Variants in DGKI observed in about 807,000 individuals in gnomAD.
DGKI encodes DAG kinase iota.
In DGKI, 55 loss-of-function variants were observed where a neutral mutation model predicts 147.5. The ratio of observed to expected loss-of-function variants is 0.37; its 90% CI spans 0.30 to 0.47. The LOEUF (loss-of-function observed/expected upper bound fraction) is 0.47. Among genes scored for constraint, DGKI ranks in the 20% least tolerant of loss-of-function variants. The pLI is 1.00. For synonymous variants in DGKI, 469 were observed against 477.1 expected, an observed-to-expected ratio of 0.98 and a Z score of 0.22; for missense variants, 1,007 against 1,323.8, an observed-to-expected ratio of 0.76 and a Z score of 3.71.
rs1199833517 is a variant in DGKI, at chr7:137,812,362, T to C, written c.401+34100A>G. 2.0e-5 allele frequency among the ~76,000 whole-genome samples: 3 copies of C among 152,258 alleles called. No individual in the cohort carries two copies. The South Asian group carries it at 6.2e-4, about 32-fold the overall frequency. On this transcript the variant is annotated intron_variant, in intron 1 of 32. Transcript: ENST00000614521. ...GCTCAATAAATGTTGACTATCATCA[T>C]CATCATCATCTAGGTTCTATATCCT...
intron 1 of DGKI, among the ~76,000 whole-genome samples, chr7:137,698,661 C>T (rs1355830143): frequency 2.0e-5 from 3 of 152,180 alleles, no homozygotes; most frequent in African/African-American, 4.8e-5. Flanking sequence ...CTGAGAAGCC[C>T]TGTGGGCAGC....
chr7:137,779,234 G>A (rs924176679), intron 1 of DGKI, among the ~76,000 whole-genome samples: 1 of 151,968 alleles, frequency 6.6e-6, no homozygotes, highest in Non-Finnish European at 1.5e-5. Context: ...ATTCAATAAA[G>A]CAAGCAATAA....
chr7:137,794,207 A>G (rs1381179215), intron 1 of DGKI, among the ~76,000 whole-genome samples: 1 of 152,192 alleles, frequency 6.6e-6, no homozygotes, highest in Non-Finnish European at 1.5e-5. Context: ...CATGACACGC[A>G]TTCACTTTCT....
chr7:137,486,757 G>A (rs1263623658), intron 22 of DGKI, among the ~76,000 whole-genome samples: 1 of 152,106 alleles, frequency 6.6e-6, no homozygotes, highest in Non-Finnish European at 1.5e-5. Context: ...ATTTTAAACA[G>A]TATGTGTCTA....
intron 21 of DGKI, among the ~76,000 whole-genome samples, chr7:137,488,243 C>G (rs183566124): frequency 2.0e-5 from 3 of 152,050 alleles, no homozygotes. Context: ...TGGCCAATAT[C>G]AGAACTAAAG....
At chr7:137,711,425 A>G (rs1794209786) in intron 1 of DGKI, among the ~76,000 whole-genome samples, 1 of 152,244 alleles carries the variant, frequency 6.6e-6, no homozygotes, top group African/African-American at 2.4e-5. Context: ...AATGAAAATA[A>G]ATGAACTACA....
chr7:137,552,576 A>G lies in DGKI; in HGVS notation c.1948-8T>C. On this transcript the variant is annotated splice_region_variant and splice_polypyrimidine_tract_variant and intron_variant, in intron 19 of 32. Transcript: ENST00000614521. The stretch of plus-strand genomic sequence containing the variant: ...CCCAACTTGCAGGGCTGCCTATAAA[A>G]ACAAGAGTCAAAGGGGAGCAAGGAG... 6.2e-7 allele frequency: 1 copy of G among 1,613,758 alleles called. No homozygotes were observed.
chr7:137,826,102 G>C (rs1031007379), intron 1 of DGKI, among the ~76,000 whole-genome samples: 2 of 152,160 alleles, frequency 1.3e-5, no homozygotes, highest in African/African-American at 4.8e-5. Flanking sequence ...GGTCATGTGG[G>C]CCTGTGGGTC....
At chr7:137,510,408 T>C (rs1177317872) in intron 21 of DGKI, among the ~76,000 whole-genome samples, 1 of 152,232 alleles carries the variant, frequency 6.6e-6, no homozygotes, top group African/African-American at 2.4e-5. Flanking sequence ...TGGAAATGAA[T>C]ATTCGTAAAA....
At chr7:137,581,820 T>C (rs1819206524) in intron 15 of DGKI, 30 bp downstream of exon 15, 4 of 1,588,610 alleles carry the variant, frequency 2.5e-6, no homozygotes, top group Non-Finnish European at 3.5e-6. Flanking sequence ...ACTTCCTCCC[T>C]GGGAGATGGA....
intron 28 of DGKI, among the ~76,000 whole-genome samples, chr7:137,428,530 T>C (rs890740097): frequency 2.6e-5 from 4 of 151,448 alleles, no homozygotes; most frequent in African/African-American, 9.8e-5. Context: ...CTATTTGACA[T>C]AGTGTTGGAA....
chr7:137,748,274 C>T (rs982452963), intron 1 of DGKI, among the ~76,000 whole-genome samples: 4 of 151,356 alleles, frequency 2.6e-5, no homozygotes, highest in Non-Finnish European at 5.9e-5. Flanking sequence ...AATCACTCCA[C>T]ATATAATACT....
intron 23 of DGKI, among the ~76,000 whole-genome samples, chr7:137,474,070 AGAAGT>A (rs1429577376): frequency 5.3e-5 from 8 of 152,216 alleles, no homozygotes; most frequent in Non-Finnish European, 1.0e-4. Context: ...TCCTTTAAGA[AGAAGT>A]GAGTTCTTAA....
In DGKI at chr7:137,701,959, G is replaced by A. The variant is rs545902184; in HGVS notation, c.402-11957C>T. 9.5e-4 allele frequency among the ~76,000 whole-genome samples: 145 copies of A among 152,178 alleles called. 2 individuals are homozygous for A. The highest frequency in any genetic ancestry group is 8.1e-3 in the Admixed American group (124 of 15,288). ...TCCAGAACATGTGCTATTAAAGAAAGAATTGACATTTGATCAATTGAAAAG... is the reference window on the plus strand; with the variant it reads ...TCCAGAACATGTGCTATTAAAGAAAAAATTGACATTTGATCAATTGAAAAG... On this transcript the variant is annotated intron_variant, in intron 1 of 32. Transcript: ENST00000614521.
rs921167683 is a variant in DGKI, at chr7:137,585,108, T to A, written c.1563+101A>T. ...ACTCAAATATTATCACATTATCTCATAGGAATTCATCAGCACATGACTCTC... is the reference window on the plus strand; with the variant it reads ...ACTCAAATATTATCACATTATCTCAAAGGAATTCATCAGCACATGACTCTC... On this transcript the variant is annotated intron_variant, in intron 14 of 32. Coordinates refer to ENST00000614521, the MANE Select transcript of DGKI (RefSeq NM_001321708.2). 3.7e-6 allele frequency: 5 copies of A among 1,339,140 alleles called. No individual in the cohort carries two copies. The African/African-American group carries it at 7.3e-5, about 20-fold the overall frequency. 83.0% of individuals were successfully genotyped at this position (1,339,140 alleles called of 1,614,324 possible).
chr7:137,679,990 C>CAAAAAAAAAAAAAAA (rs768437551), intron 2 of DGKI, among the ~76,000 whole-genome samples: 2 of 54,078 alleles, frequency 3.7e-5, no homozygotes, highest in African/African-American at 1.2e-4. Context: ...GACTCCATCT[C>CAAAAAAAAAAAAAAA]AAAAAAAAAA....
chr7:137,811,861 A>T (rs6961920), intron 1 of DGKI, among the ~76,000 whole-genome samples: 88,222 of 150,302 alleles, frequency 0.59, 28,159 homozygotes, highest in African/African-American at 0.84. Flanking sequence ...GAAGTATATA[A>T]CTTTGCTAAA....
In DGKI at chr7:137,638,502, G is replaced by A. The variant is rs12707363; in HGVS notation, c.804+6970C>T. ...TGTATATATATACACACATATATAT[G>A]TATATATATGTGTGTATATATATAC... On this transcript the variant is annotated intron_variant, in intron 6 of 32. Transcript: ENST00000614521. Among the ~76,000 whole-genome samples, 101 of 101,774 alleles carry A rather than the reference G, an allele frequency of 9.9e-4. 1 individual carries two copies. Among genetic ancestry groups the A allele is most frequent in the African/African-American group, 2.8e-3 (63 of 22,888 alleles). 66.8% of individuals were successfully genotyped at this position (101,774 alleles called of 152,430 possible).
At chr7:137,697,630 C>A (rs1202782552) in intron 1 of DGKI, among the ~76,000 whole-genome samples, 1 of 152,070 alleles carries the variant, frequency 6.6e-6, no homozygotes, top group Non-Finnish European at 1.5e-5. Flanking sequence ...TATCTTCTAG[C>A]CTTCCAGAAA....
Sources: gnomAD v4.1 joint callset for allele counts (sites outside exome capture counted in the v4.1 genomes callset) on GRCh38, gnomAD v4.1.1 for gene constraint, MANE v1.5 for transcripts, NCBI Gene and HGNC (gene_info 2026-07-23, HGNC 2026-07-21) for gene names.